IQCM: variants seen among roughly 807,000 people sequenced by gnomAD.
IQCM encodes the protein IQ domain-containing protein M.
Under a neutral mutation model 57.6 loss-of-function variants are expected in IQCM, and 45 were observed. The ratio of observed to expected loss-of-function variants is 0.78; its 90% CI spans 0.62 to 1.00. The LOEUF is 1.00. IQCM is among the 50% of genes least tolerant of loss of function. The probability of loss-of-function intolerance (pLI) is 0.00; values close to 1 mark genes in which losing one functional copy is unlikely to be tolerated. For synonymous variants in IQCM, 148 were observed against 158.9 expected, an observed-to-expected ratio of 0.93 and a Z score of 0.51; for missense variants, 468 against 511.6, an observed-to-expected ratio of 0.91 and a Z score of 0.82.
At chr4:149,568,240 C>G (rs1298612306) in intron 9 of IQCM, among the ~76,000 whole-genome samples, 3 of 152,056 alleles carry the variant, frequency 2.0e-5, no homozygotes, top group Non-Finnish European at 4.4e-5. Flanking sequence ...TCTGGAAGGC[C>G]TTTGCTGGGA....
At chr4:149,658,455 C>T (rs944487193) in intron 7 of IQCM, among the ~76,000 whole-genome samples, 6 of 151,852 alleles carry the variant, frequency 4.0e-5, no homozygotes, top group Admixed American at 1.3e-4. Flanking sequence ...AAGCTTTGTA[C>T]CTTTTACTCA....
intron 7 of IQCM, among the ~76,000 whole-genome samples, chr4:149,623,021 G>A (rs1021680763): frequency 6.6e-6 from 1 of 152,128 alleles, no homozygotes; most frequent in Non-Finnish European, 1.5e-5. Context: ...ATAAGAAGGA[G>A]TATATTGAAC....
At chr4:149,774,271 T>C (rs1246114106) in intron 2 of IQCM, among the ~76,000 whole-genome samples, 1 of 152,162 alleles carries the variant, frequency 6.6e-6, no homozygotes, top group African/African-American at 2.4e-5. Flanking sequence ...TTCAGTAGTA[T>C]TAAGTATATA....
At chr4:149,431,154 G>A (rs1019858583) in intron 13 of IQCM, among the ~76,000 whole-genome samples, 2 of 151,940 alleles carry the variant, frequency 1.3e-5, no homozygotes, top group African/African-American at 4.8e-5. Context: ...GCAGTGAACC[G>A]AGATTATGCC....
chr4:149,573,205 C>G (rs893533036), intron 9 of IQCM, among the ~76,000 whole-genome samples: 3 of 150,900 alleles, frequency 2.0e-5, no homozygotes, highest in Admixed American at 6.6e-5. Context: ...AAATTATATA[C>G]ATTATATAAT....
chr4:149,655,587 C>T (rs577369607), intron 7 of IQCM, among the ~76,000 whole-genome samples: 25 of 152,152 alleles, frequency 1.6e-4, no homozygotes, highest in South Asian at 6.2e-4. Context: ...AATATTGTTA[C>T]GTACCGATAG....
intron 2 of IQCM, among the ~76,000 whole-genome samples, chr4:149,791,576 T>TC (rs1344786872): frequency 1.3e-5 from 2 of 152,098 alleles, no homozygotes; most frequent in African/African-American, 2.4e-5. Context: ...TTTATCTGCC[T>TC]CCCCCTCCAC....
chr4:149,418,562 A>G (rs1733913252), intron 13 of IQCM, among the ~76,000 whole-genome samples: 1 of 152,166 alleles, frequency 6.6e-6, no homozygotes, highest in African/African-American at 2.4e-5. Flanking sequence ...AGAATTGAAA[A>G]GAAGGAACTC....
At chr4:149,465,908 G>A (rs1738812820) in intron 12 of IQCM, among the ~76,000 whole-genome samples, 1 of 152,032 alleles carries the variant, frequency 6.6e-6, no homozygotes, top group Non-Finnish European at 1.5e-5. Context: ...CAGTTTCCAT[G>A]AAATCAAGGA....
chr4:149,508,669 C>T (rs570551697), intron 12 of IQCM, among the ~76,000 whole-genome samples: 2 of 152,212 alleles, frequency 1.3e-5, no homozygotes, highest in African/African-American at 2.4e-5. Flanking sequence ...CTTGCCTTGC[C>T]TCAGATGAGA....
intron 13 of IQCM, among the ~76,000 whole-genome samples, chr4:149,426,486 C>T (rs927589015): frequency 1.3e-5 from 2 of 151,944 alleles, no homozygotes; most frequent in African/African-American, 4.8e-5. Flanking sequence ...AAAAATTTAT[C>T]TCACACCATT....
At chr4:149,443,748 GGAA>G (rs1736219005) in intron 12 of IQCM, among the ~76,000 whole-genome samples, 2 of 144,776 alleles carry the variant, frequency 1.4e-5, no homozygotes, top group African/African-American at 5.1e-5. Context: ...GGAAAGGAAA[GGAA>G]GAAAACTGGC....
At chr4:149,540,986 T>A (rs1165980771) in intron 12 of IQCM, among the ~76,000 whole-genome samples, 2 of 152,164 alleles carry the variant, frequency 1.3e-5, no homozygotes, top group Non-Finnish European at 2.9e-5. Flanking sequence ...AATTTTTCAG[T>A]CTTAAATTTT....
chr4:149,778,843 C>T (rs1771344871), intron 2 of IQCM, among the ~76,000 whole-genome samples: 1 of 152,060 alleles, frequency 6.6e-6, no homozygotes, highest in South Asian at 2.1e-4. Context: ...ATAAATAAAG[C>T]TGATAATTTT....
At chr4:149,554,946 G>A (rs1446568666) in intron 10 of IQCM, among the ~76,000 whole-genome samples, 4 of 149,710 alleles carry the variant, frequency 2.7e-5, no homozygotes, top group East Asian at 2.0e-4. Context: ...TGATCCGCCT[G>A]CCTCGGCCTC....
At chr4:149,457,851 C>CA (rs1174532826) in intron 12 of IQCM, among the ~76,000 whole-genome samples, 1 of 151,794 alleles carries the variant, frequency 6.6e-6, no homozygotes. Context: ...AGAGGGAGAA[C>CA]AAAAAATTAG....
intron 13 of IQCM, among the ~76,000 whole-genome samples, chr4:149,387,512 T>C (rs1731506367): frequency 2.0e-5 from 3 of 152,106 alleles, no homozygotes; most frequent in Non-Finnish European, 2.9e-5. Flanking sequence ...TTTCTAATTC[T>C]ATCAATTCTC....
chr4:149,793,375 C>A (rs978452113), intron 2 of IQCM, among the ~76,000 whole-genome samples: 1 of 152,048 alleles, frequency 6.6e-6, no homozygotes, highest in African/African-American at 2.4e-5. Context: ...TCATTTTCCA[C>A]CTTTTGTCAG....
At chr4:149,510,453 A>G (rs1031511771) in intron 12 of IQCM, among the ~76,000 whole-genome samples, 5 of 152,284 alleles carry the variant, frequency 3.3e-5, no homozygotes, top group Middle Eastern at 3.4e-3. Flanking sequence ...CTTTTACAAT[A>G]AACATTTTTT....
Sources: allele counts gnomAD v4.1 joint callset (sites outside exome capture counted in the v4.1 genomes callset), GRCh38; gene constraint gnomAD v4.1.1; transcripts MANE v1.5; gene names NCBI Gene and HGNC (gene_info 2026-07-23, HGNC 2026-07-21).